The following SEC14L2 variants were observed in gnomAD, a reference collection of about 807,000 sequenced individuals.
SEC14L2 encodes the protein SEC14 like lipid binding 2.
Under a neutral mutation model 56.9 loss-of-function variants are expected in SEC14L2, and 50 were observed. That is an observed-to-expected ratio of 0.88 (90% CI 0.70 to 1.11). The LOEUF (loss-of-function observed/expected upper bound fraction) is 1.11. Ranked by LOEUF, SEC14L2 falls within the 50% of genes most tolerant of loss-of-function variation. The pLI is 0.00. For missense variants in SEC14L2, 414 were observed against 500.7 expected (o/e 0.83, Z 1.65); for synonymous variants, 179 against 188.5 (o/e 0.95, Z 0.41).
At chr22:30,419,259 A>G (rs1032486378) in intron 11 of SEC14L2, among the ~76,000 whole-genome samples, 2 of 152,132 alleles carry the variant, frequency 1.3e-5, no homozygotes, top group African/African-American at 4.8e-5. Context: ...CCTTAAAATG[A>G]CAGAAGTGAT....
chr22:30,418,148 G>A (rs1569212040), intron 11 of SEC14L2, among the ~76,000 whole-genome samples: 1 of 152,046 alleles, frequency 6.6e-6, no homozygotes, highest in Non-Finnish European at 1.5e-5. Context: ...GAACTCCTGG[G>A]TTCAAGCGAC....
chr22:30,422,574 C>A lies in SEC14L2; in HGVS notation c.*167C>A. Reference sequence around the variant, plus strand: ...CAGAGGAAGAGCGACTGCAGTGGGTCTCCGTGTCTATCAAATACCTAAGGA... The same window carrying A: ...CAGAGGAAGAGCGACTGCAGTGGGTATCCGTGTCTATCAAATACCTAAGGA... On this transcript the variant is annotated 3_prime_UTR_variant, in exon 12 of 12. Coordinates refer to ENST00000615189, the MANE Select transcript of SEC14L2 (RefSeq NM_012429.5). The A allele has an allele frequency of 1.3e-6, 1 of 753,674 alleles. No homozygotes were observed. The highest frequency in any genetic ancestry group is 2.1e-6 in the Non-Finnish European group (1 of 480,848). The allele number at this position is 753,674 out of a possible 1,614,324, so 46.7% of individuals were successfully genotyped here. A position where few individuals can be genotyped will look rare whatever the true frequency, so the allele number is the denominator to read the frequency against.
At chr22:30,409,308 G>A (rs778343329) in intron 6 of SEC14L2, 26 bp downstream of exon 6, 48 of 1,604,536 alleles carry the variant, frequency 3.0e-5, no homozygotes, top group Non-Finnish European at 3.8e-5. Context: ...GGGGAGGAAG[G>A]GGACAGAGGG....
Position 30,424,819 on chromosome 22 carries a change from G to A in SEC14L2, c.*2412G>A. 2.2e-6 allele frequency: 1 copy of A among 456,670 alleles called. No homozygotes were observed. Among genetic ancestry groups the A allele is most frequent in the Non-Finnish European group, 4.4e-6 (1 of 226,962 alleles). The allele number at this position is 456,670 out of a possible 1,614,324, so 28.3% of individuals were successfully genotyped here. On this transcript the variant is annotated 3_prime_UTR_variant, in exon 12 of 12. Coordinates refer to ENST00000615189, the MANE Select transcript of SEC14L2 (RefSeq NM_012429.5). Reference sequence around the variant, plus strand: ...CACACATTGCTCACCTGGGTGAACTGAGGTCCAGCGGGGGAAGGCTTCCTC... The same window carrying A: ...CACACATTGCTCACCTGGGTGAACTAAGGTCCAGCGGGGGAAGGCTTCCTC...
intron 11 of SEC14L2, among the ~76,000 whole-genome samples, chr22:30,418,370 CAG>C (rs1444868735): frequency 3.3e-5 from 5 of 152,150 alleles, no homozygotes; most frequent in Admixed American, 2.0e-4. Context: ...CTGGATGTGT[CAG>C]AGAGTGTGGA....
chr22:30,399,855 T>A (rs1933877418), intron 2 of SEC14L2, 137 bp downstream of exon 2: 1 of 643,852 alleles, frequency 1.6e-6, no homozygotes, highest in Admixed American at 3.1e-5. Context: ...CCCTTGGCAA[T>A]GACATAAGCT....
chr22:30,398,941 A>G (rs928847714), intron 1 of SEC14L2: 1 of 394,870 alleles, frequency 2.5e-6, no homozygotes, highest in Non-Finnish European at 5.4e-6. Flanking sequence ...GTGAGTGAGG[A>G]GTAAATAAGC....
rs1393866979 is a variant in SEC14L2 at position 30,407,456 on chromosome 22, C to T, written c.276C>T (p.Asp92=). ...TGTCAGGGGGTATGTGTGGCTATGA[C>T]CTGGATGGCTGCCCAGTCTGGTACG... is the stretch of plus-strand genomic sequence containing the variant. ...QYLSGGMCGY[D]LDGCPVWYDI... is the part of the protein sequence containing the mutation. The change falls in exon 5 of 12, where the codon GAC becomes GAT. Residue 92 remains aspartate, a synonymous_variant. Coordinates refer to ENST00000615189, the MANE Select transcript of SEC14L2 (RefSeq NM_012429.5). The T allele has an allele frequency of 6.2e-7, 1 of 1,614,152 alleles. No homozygotes were observed. The highest frequency in any genetic ancestry group is 2.2e-5 in the East Asian group (1 of 44,884).
intron 11 of SEC14L2, chr22:30,416,687 C>A: frequency 7.1e-7 from 1 of 1,414,442 alleles, no homozygotes; most frequent in Non-Finnish European, 9.2e-7. Flanking sequence ...GCTTTCTGGT[C>A]CAGGTCTAAC....
intron 2 of SEC14L2, among the ~76,000 whole-genome samples, chr22:30,401,145 T>G (rs960827221): frequency 6.6e-6 from 1 of 151,702 alleles, no homozygotes; most frequent in African/African-American, 2.4e-5. Flanking sequence ...GCAATGGGCA[T>G]GATCGTAGGT....
Position 30,424,175 on chromosome 22 carries a change from G to A in SEC14L2, c.*1768G>A, listed in dbSNP as rs925759067. 6.4e-6 allele frequency: 1 copy of A among 156,316 alleles called. No homozygotes were observed. Among genetic ancestry groups the A allele is most frequent in the Non-Finnish European group, 1.4e-5 (1 of 70,138 alleles). The allele number at this position is 156,316 out of a possible 1,614,324, so 9.7% of individuals were successfully genotyped here. A position where few individuals can be genotyped will look rare whatever the true frequency, so the allele number is the denominator to read the frequency against. The stretch of plus-strand genomic sequence containing the variant: ...GCCCGTGCGAGCCAAGTGTGAGTCC[G>A]GGCGAGCGCCTGCGGAGCTAGCACT... On this transcript the variant is annotated 3_prime_UTR_variant, in exon 12 of 12. Transcript: ENST00000615189.
chr22:30,424,040 TGGTG>T lies in SEC14L2; in HGVS notation c.*1637_*1640del. ...CAGCTTGCCTTCTGATTGGTCCAGCTGGTGGGTTGTCTTCCGCCATCTTTGATCA... is the reference window on the plus strand; with the variant it reads ...CAGCTTGCCTTCTGATTGGTCCAGCTGGTTGTCTTCCGCCATCTTTGATCA... On this transcript the variant is annotated 3_prime_UTR_variant, in exon 12 of 12. Coordinates refer to ENST00000615189, the MANE Select transcript of SEC14L2 (RefSeq NM_012429.5). The T allele has an allele frequency of 6.6e-6, 1 of 152,490 alleles. No individual in the cohort carries two copies. Among genetic ancestry groups the T allele is most frequent in the Middle Eastern group, 3.4e-3 (1 of 298 alleles). The allele number at this position is 152,490 out of a possible 1,614,324, so 9.4% of individuals were successfully genotyped here. A position where few individuals can be genotyped will look rare whatever the true frequency, so the allele number is the denominator to read the frequency against.
chr22:30,409,050 G>C (rs1474598943), intron 5 of SEC14L2, 137 bp from the exon 6 acceptor site: 4 of 801,812 alleles, frequency 5.0e-6, no homozygotes, highest in African/African-American at 1.7e-5. Flanking sequence ...GATTATCTCA[G>C]TTTGGAAAAC....
intron 11 of SEC14L2, among the ~76,000 whole-genome samples, chr22:30,420,330 CT>C (rs1934484815): frequency 6.6e-6 from 1 of 152,158 alleles, no homozygotes; most frequent in Non-Finnish European, 1.5e-5. Flanking sequence ...TGGAGGGTGT[CT>C]GGGGGCTCTG....
At chr22:30,401,505 T>TTTATTTTTA (rs1190287836) in intron 2 of SEC14L2, among the ~76,000 whole-genome samples, 2 of 150,844 alleles carry the variant, frequency 1.3e-5, no homozygotes, top group Admixed American at 6.6e-5. Flanking sequence ...ATTTTATATT[T>TTTATTTTTA]TTATTTTTAT....
Position 30,423,976 on chromosome 22 carries a change from CTCGGCTCTCT to C in SEC14L2, c.*1570_*1579del, listed in dbSNP as rs910497219. The C allele has an allele frequency of 4.6e-5, 7 of 152,298 alleles. No homozygotes were observed. The highest frequency in any genetic ancestry group is 1.7e-4 in the African/African-American group (7 of 41,472). 9.4% of individuals were successfully genotyped at this position (152,298 alleles called of 1,614,324 possible). Reference sequence around the variant, plus strand: ...ATAGGGCGCATGCGCAGAAATCCTCCTCGGCTCTCTAGCGTGAGCTTTCCCAAGGGGCCAC... The same window carrying C: ...ATAGGGCGCATGCGCAGAAATCCTCCAGCGTGAGCTTTCCCAAGGGGCCAC... On this transcript the variant is annotated 3_prime_UTR_variant, in exon 12 of 12. Transcript: ENST00000615189.
intron 2 of SEC14L2, among the ~76,000 whole-genome samples, chr22:30,403,980 G>C (rs577118179): frequency 7.5e-6 from 1 of 133,404 alleles, no homozygotes; most frequent in Non-Finnish European, 1.5e-5. Context: ...TCCGCAGTCC[G>C]GCCTGGGCGA....
intron 8 of SEC14L2, among the ~76,000 whole-genome samples, chr22:30,411,217 T>C (rs942975756): frequency 2.6e-5 from 4 of 151,982 alleles, no homozygotes; most frequent in Admixed American, 6.6e-5. Flanking sequence ...GCTATGATCA[T>C]GCCACTGCAC....
chr22:30,416,081 TC>T lies in SEC14L2; in HGVS notation c.907del (p.Leu303SerfsTer18). On this transcript the variant is annotated frameshift_variant, in exon 10 of 12. Coordinates refer to ENST00000615189, the MANE Select transcript of SEC14L2 (RefSeq NM_012429.5). LOFTEE classifies it high-confidence loss of function. ...VEYEILFPGCVLRWQFMSDGA... is the reference protein window; with the variant it reads ...VEYEILFPGCXLRWQFMSDGA... Reference sequence around the variant, plus strand: ...TATGAGATCCTCTTCCCTGGCTGTGTCCTCAGGTAGGGGCCTGGGCCCTTCC... The same window carrying T: ...TATGAGATCCTCTTCCCTGGCTGTGTCTCAGGTAGGGGCCTGGGCCCTTCC... The T allele has an allele frequency of 6.2e-7, 1 of 1,614,258 alleles. No individual in the cohort carries two copies. The highest frequency in any genetic ancestry group is 8.5e-7 in the Non-Finnish European group (1 of 1,180,038).
Sources: gnomAD v4.1 joint callset for allele counts (sites outside exome capture counted in the v4.1 genomes callset) on GRCh38, gnomAD v4.1.1 for gene constraint, MANE v1.5 for transcripts, NCBI Gene and HGNC (gene_info 2026-07-23, HGNC 2026-07-21) for gene names.